RNF141: variants seen among roughly 807,000 people sequenced by gnomAD.
RNF141 encodes the protein ring finger protein 141.
In RNF141, 18 loss-of-function variants were observed where a neutral mutation model predicts 27.4. The ratio of observed to expected loss-of-function variants is 0.66; its 90% CI spans 0.45 to 0.97. RNF141 has a LOEUF of 0.97. RNF141 is among the 50% of genes least tolerant of loss of function. The probability of loss-of-function intolerance (pLI) is 0.00; values close to 1 mark genes in which losing one functional copy is unlikely to be tolerated. For missense variants in RNF141, 230 were observed against 279.4 expected, an observed-to-expected ratio of 0.82 and a Z score of 1.26; for synonymous variants, 97 against 96.6, an observed-to-expected ratio of 1.00 and a Z score of -0.02.
chr11:10,535,357 T>A (rs61176581), intron 1 of RNF141, among the ~76,000 whole-genome samples: 14,078 of 145,960 alleles, frequency 0.096, 827 homozygotes, highest in South Asian at 0.25. Context: ...AATTGTAATT[T>A]AAAAAAAAAA....
At chr11:10,539,339 G>C (rs1850065097) in intron 1 of RNF141, among the ~76,000 whole-genome samples, 1 of 151,928 alleles carries the variant, frequency 6.6e-6, no homozygotes, top group Non-Finnish European at 1.5e-5. Context: ...ATGACTAAAT[G>C]ACAAGTACTG....
intron 1 of RNF141, among the ~76,000 whole-genome samples, chr11:10,535,992 C>G (rs1430566234): frequency 6.6e-6 from 1 of 152,162 alleles, no homozygotes; most frequent in Non-Finnish European, 1.5e-5. Flanking sequence ...GGAGATAAAA[C>G]AGTGAACAAA....
In RNF141 at chr11:10,540,457, GC is replaced by G. The variant is rs537265995; in HGVS notation, c.-48+664del. Among the ~76,000 whole-genome samples the G allele has an allele frequency of 4.9e-3, 753 of 152,258 alleles. 4 individuals are homozygous for G. Among genetic ancestry groups the G allele is most frequent in the African/African-American group, 0.017 (706 of 41,542 alleles). ...AATAATTTCAAAAGCTAACACAGAA[GC>G]CTTCTGCTCCTGCTGTGTAATCACT... On this transcript the variant is annotated intron_variant, in intron 1 of 5. Coordinates refer to ENST00000265981, the MANE Select transcript of RNF141 (RefSeq NM_016422.4).
chr11:10,534,502 ACG>A (rs1399388865), intron 1 of RNF141, among the ~76,000 whole-genome samples: 5 of 147,316 alleles, frequency 3.4e-5, no homozygotes, highest in South Asian at 4.3e-4. Flanking sequence ...ACACACACAC[ACG>A]CATTCAAGTA....
At chr11:10,521,339 A>G (rs1849886368) in intron 4 of RNF141, among the ~76,000 whole-genome samples, 1 of 152,216 alleles carries the variant, frequency 6.6e-6, no homozygotes, top group Non-Finnish European at 1.5e-5. Context: ...CTCTTTGAAT[A>G]TAGGGTGTTT....
At chr11:10,526,929 T>C (rs1224269909) in intron 3 of RNF141, among the ~76,000 whole-genome samples, 1 of 152,062 alleles carries the variant, frequency 6.6e-6, no homozygotes, top group East Asian at 1.9e-4. Context: ...AGACTGTACA[T>C]GAGGTAGAGA....
In RNF141 at chr11:10,528,772, T is replaced by C. The variant is rs184708595; in HGVS notation, c.252+1871A>G. Among the ~76,000 whole-genome samples, 180 of 152,316 alleles carry C rather than the reference T, an allele frequency of 1.2e-3. 1 individual carries two copies. Among genetic ancestry groups the C allele is most frequent in the East Asian group, 1.2e-3 (6 of 5,194 alleles). Reference sequence around the variant, plus strand: ...AGATTTTTTTTGTTCACTTAATATATACTGAGTTCCTACTATGTGTAAAGC... The same window carrying C: ...AGATTTTTTTTGTTCACTTAATATACACTGAGTTCCTACTATGTGTAAAGC... On this transcript the variant is annotated intron_variant, in intron 3 of 5. Coordinates refer to ENST00000265981, the MANE Select transcript of RNF141 (RefSeq NM_016422.4).
At chr11:10,541,021 T>G (rs1396610672) in intron 1 of RNF141, 101 bp downstream of exon 1, 1 of 152,186 alleles carries the variant, frequency 6.6e-6, no homozygotes, top group African/African-American at 2.4e-5. Context: ...CGCGGAAGCC[T>G]GGCTCGGCAG....
intron 2 of RNF141, chr11:10,531,760 C>G (rs964043269): frequency 4.6e-6 from 1 of 215,236 alleles, no homozygotes. Context: ...TCTCTGAGCA[C>G]CAGTGGGGAT....
chr11:10,523,683 G>A (rs1004422351), intron 4 of RNF141, among the ~76,000 whole-genome samples: 1 of 152,158 alleles, frequency 6.6e-6, no homozygotes, highest in African/African-American at 2.4e-5. Context: ...TGAATTTCCA[G>A]TTTTGAGGGC....
At chr11:10,519,589 CCTA>C (rs1283367510) in intron 4 of RNF141, among the ~76,000 whole-genome samples, 1 of 149,544 alleles carries the variant, frequency 6.7e-6, no homozygotes, top group Non-Finnish European at 1.5e-5. Context: ...GATGGTTTAG[CCTA>C]CTACTACATA....
intron 5 of RNF141, chr11:10,517,495 A>G (rs1383503753): frequency 6.6e-6 from 1 of 152,122 alleles, no homozygotes; most frequent in African/African-American, 2.4e-5. Context: ...TGACACCGTA[A>G]ATCAACAAAT....
At chr11:10,515,181 G>A (rs958265553) in intron 5 of RNF141, 115 bp from the exon 6 acceptor site, 2 of 1,138,328 alleles carry the variant, frequency 1.8e-6, no homozygotes, top group Non-Finnish European at 2.5e-6. Context: ...GAAATATATA[G>A]TGAAAAATAA....
intron 1 of RNF141, among the ~76,000 whole-genome samples, chr11:10,535,379 A>C (rs1434898769): frequency 2.0e-5 from 3 of 150,642 alleles, no homozygotes; most frequent in African/African-American, 4.9e-5. Flanking sequence ...AAAAAACAAC[A>C]GTTTTGAATC....
rs1849820439 is a variant in RNF141, at chr11:10,513,675, C to G, written c.*1241G>C. The G allele has an allele frequency of 7.7e-6, 1 of 129,734 alleles. No individual in the cohort carries two copies. Among genetic ancestry groups the G allele is most frequent in the African/African-American group, 3.0e-5 (1 of 32,942 alleles). 8.0% of individuals were successfully genotyped at this position (129,734 alleles called of 1,614,324 possible). A position where few individuals can be genotyped will look rare whatever the true frequency, so the allele number is the denominator to read the frequency against. On this transcript the variant is annotated 3_prime_UTR_variant, in exon 6 of 6. Transcript: ENST00000265981. ...GTATATACGGTAAAAAAGCCTCACTCTATTTTCTTGTGTTTTTTTTTTGAT... is the reference window on the plus strand; with the variant it reads ...GTATATACGGTAAAAAAGCCTCACTGTATTTTCTTGTGTTTTTTTTTTGAT...
chr11:10,533,687 A>C (rs1000328860), intron 2 of RNF141, among the ~76,000 whole-genome samples: 1 of 151,880 alleles, frequency 6.6e-6, no homozygotes, highest in African/African-American at 2.4e-5. Context: ...TTTGTTATGC[A>C]CCCCTTTAGT....
In RNF141 at chr11:10,539,699, T is replaced by TATATATATATATATATATATATATATATA. The variant is rs56298076; in HGVS notation, c.-48+1422_-48+1423insTATATATATATATATATATATATATATAT. ...TCAGAAAAAGATACATACATATATA[T>TATATATATATATATATATATATATATATA]TAGAGAGAGAAGGAGAGAGAAACTA... On this transcript the variant is annotated intron_variant, in intron 1 of 5. Transcript: ENST00000265981. Among the ~76,000 whole-genome samples the TATATATATATATATATATATATATATATA allele has an allele frequency of 8.3e-4, 61 of 73,646 alleles. 6 individuals carry two copies. Among genetic ancestry groups the TATATATATATATATATATATATATATATA allele is most frequent in the Non-Finnish European group, 9.4e-4 (34 of 36,092 alleles). 48.3% of individuals were successfully genotyped at this position (73,646 alleles called of 152,430 possible).
chr11:10,534,314 G>GT, intron 1 of RNF141, 109 bp from the exon 2 acceptor site: 1 of 709,018 alleles, frequency 1.4e-6, no homozygotes. Flanking sequence ...TGAGAGTTGA[G>GT]TAGACCTACA....
chr11:10,539,243 A>G (rs920084275), intron 1 of RNF141, among the ~76,000 whole-genome samples: 2 of 152,170 alleles, frequency 1.3e-5, no homozygotes, highest in Non-Finnish European at 2.9e-5. Context: ...AAACGAAAAA[A>G]CTGCTCAAAA....
Sources: gnomAD v4.1 joint callset for allele counts (sites outside exome capture counted in the v4.1 genomes callset) on GRCh38, gnomAD v4.1.1 for gene constraint, MANE v1.5 for transcripts, NCBI Gene and HGNC (gene_info 2026-07-23, HGNC 2026-07-21) for gene names.